The following XKR4 variants were observed in gnomAD, a reference collection of about 807,000 sequenced individuals.
XKR4 encodes XK-related protein 4.
A neutral mutation model predicts 53.9 loss-of-function variants in XKR4; 12 were observed. The ratio of observed to expected loss-of-function variants is 0.22; its 90% CI spans 0.14 to 0.36. XKR4 has a LOEUF of 0.36. Ranked by LOEUF, XKR4 falls within the 10% of genes least tolerant of loss-of-function variation. XKR4 has a pLI of 1.00. For synonymous variants in XKR4, 354 were observed against 362.4 expected, an observed-to-expected ratio of 0.98 and a Z score of 0.26; for missense variants, 799 against 859.5, an observed-to-expected ratio of 0.93 and a Z score of 0.88.
chr8:55,523,430 A>T lies in XKR4; in HGVS notation c.1156A>T (p.Arg386Trp). 6.2e-7 allele frequency: 1 copy of T among 1,614,188 alleles called. No homozygotes were observed. The highest frequency in any genetic ancestry group is 8.5e-7 in the Non-Finnish European group (1 of 1,180,030). Residue 386 changes from arginine (R) to tryptophan (W), a missense_variant, in exon 3 of 3, where the codon AGG becomes TGG. This residue lies in a region of XKR4 where 54 missense variants were observed against 89.7 expected (regional missense o/e 0.60). Transcript: ENST00000327381. ...CTGGCACTTCTTCACCATCGCCGCCAGGGTCATCACGTTTGCCCTCTTTGC... is the reference window on the plus strand; with the variant it reads ...CTGGCACTTCTTCACCATCGCCGCCTGGGTCATCACGTTTGCCCTCTTTGC... ...FCWHFFTIAA[R>W]VITFALFASV...
chr8:55,462,904 C>G (rs1034110625), intron 2 of XKR4, among the ~76,000 whole-genome samples: 1 of 152,162 alleles, frequency 6.6e-6, no homozygotes, highest in Admixed American at 6.5e-5. Flanking sequence ...GTAAAGGGAT[C>G]AATTCAAAAA....
chr8:55,195,970 G>A (rs1817499831), intron 1 of XKR4, among the ~76,000 whole-genome samples: 1 of 152,142 alleles, frequency 6.6e-6, no homozygotes, highest in Non-Finnish European at 1.5e-5. Flanking sequence ...AGTGCCATCT[G>A]CTGCTTTATG....
chr8:55,442,971 T>C (rs1461270070), intron 2 of XKR4, among the ~76,000 whole-genome samples: 2 of 152,146 alleles, frequency 1.3e-5, no homozygotes, highest in Non-Finnish European at 2.9e-5. Flanking sequence ...AAAAGGGCAA[T>C]GGAAAGCCTA....
intron 1 of XKR4, among the ~76,000 whole-genome samples, chr8:55,332,480 C>T (rs1483211349): frequency 6.6e-6 from 1 of 151,964 alleles, no homozygotes; most frequent in East Asian, 1.9e-4. Context: ...TCTTGTAGGA[C>T]ATATCTAGTT....
At chr8:55,316,730 T>G (rs914191445) in intron 1 of XKR4, among the ~76,000 whole-genome samples, 2 of 152,162 alleles carry the variant, frequency 1.3e-5, no homozygotes, top group African/African-American at 4.8e-5. Flanking sequence ...ACCTGGTTCC[T>G]TCCTCCGATC....
chr8:55,521,291 TC>T (rs1235036904), intron 2 of XKR4, among the ~76,000 whole-genome samples: 1 of 152,248 alleles, frequency 6.6e-6, no homozygotes, highest in Non-Finnish European at 1.5e-5. Context: ...AATCTTTTGT[TC>T]TTAAATCCCC....
intron 1 of XKR4, among the ~76,000 whole-genome samples, chr8:55,136,145 G>A (rs964468222): frequency 7.9e-5 from 12 of 152,086 alleles, no homozygotes; most frequent in African/African-American, 1.2e-4. Context: ...GCCCCCCTTC[G>A]CCTCCCAAAG....
chr8:55,465,060 C>A (rs1394990333), intron 2 of XKR4, among the ~76,000 whole-genome samples: 5 of 152,078 alleles, frequency 3.3e-5, no homozygotes, highest in Admixed American at 3.3e-4. Context: ...GGCCATACTG[C>A]CCAAGGTAAT....
rs1245074748 is a variant in XKR4, at chr8:55,417,802, G to A, written c.1006+59925G>A. 2.0e-5 allele frequency among the ~76,000 whole-genome samples: 3 copies of A among 152,122 alleles called. No homozygotes were observed. In the East Asian group the frequency reaches 5.8e-4, roughly 29 times the overall value. ...CTGTAGAAAAAGTACAGCACTCTGG[G>A]GACCTAGTATGATCTAGTTGGGGAG... On this transcript the variant is annotated intron_variant, in intron 2 of 2. Transcript: ENST00000327381.
Position 55,529,677 on chromosome 8 carries a change from G to A in XKR4, c.*5450G>A, listed in dbSNP as rs1385651914. ...GGGTTGAGCACAGCTTTCAACAACT[G>A]CGACTTCTGGGAGCCCAGTGACTCT... On this transcript the variant is annotated 3_prime_UTR_variant, in exon 3 of 3. Transcript: ENST00000327381. 6.6e-6 allele frequency: 1 copy of A among 152,202 alleles called. No individual in the cohort carries two copies. Among genetic ancestry groups the A allele is most frequent in the Admixed American group, 6.5e-5 (1 of 15,272 alleles). The allele number at this position is 152,202 out of a possible 1,614,324, so 9.4% of individuals were successfully genotyped here.
At chr8:55,349,011 G>A (rs1803691069) in intron 1 of XKR4, among the ~76,000 whole-genome samples, 1 of 152,102 alleles carries the variant, frequency 6.6e-6, no homozygotes, top group Non-Finnish European at 1.5e-5. Context: ...AGCCCAGGTA[G>A]CTGAAAGGAA....
At chr8:55,484,153 T>C (rs1417805223) in intron 2 of XKR4, among the ~76,000 whole-genome samples, 1 of 152,186 alleles carries the variant, frequency 6.6e-6, no homozygotes, top group Admixed American at 6.5e-5. Flanking sequence ...ATGACTTGAA[T>C]AGCCCCATAT....
chr8:55,340,311 C>T (rs930616174), intron 1 of XKR4, among the ~76,000 whole-genome samples: 2 of 152,184 alleles, frequency 1.3e-5, no homozygotes, highest in Non-Finnish European at 2.9e-5. Context: ...GTTCTTGACA[C>T]ATTGTGCATA....
chr8:55,513,496 C>A (rs1451595352), intron 2 of XKR4, among the ~76,000 whole-genome samples: 2 of 152,196 alleles, frequency 1.3e-5, no homozygotes, highest in African/African-American at 4.8e-5. Flanking sequence ...CCAGCCTGAA[C>A]CTATCATGCC....
intron 2 of XKR4, among the ~76,000 whole-genome samples, chr8:55,389,431 A>G (rs921188769): frequency 1.3e-5 from 2 of 152,220 alleles, no homozygotes; most frequent in African/African-American, 4.8e-5. Flanking sequence ...TATAAAACTA[A>G]TATTTTACAA....
chr8:55,425,277 C>T (rs1221891015), intron 2 of XKR4, among the ~76,000 whole-genome samples: 1 of 152,168 alleles, frequency 6.6e-6, no homozygotes, highest in East Asian at 1.9e-4. Flanking sequence ...CAAAGAGCCA[C>T]AAAAAATGTA....
intron 1 of XKR4, among the ~76,000 whole-genome samples, chr8:55,250,397 T>C (rs1482553007): frequency 6.6e-6 from 1 of 152,160 alleles, no homozygotes; most frequent in Non-Finnish European, 1.5e-5. Context: ...CATACAGTGC[T>C]CCTTTGATTT....
rs536313756 is a variant in XKR4, at chr8:55,496,595, G to A, written c.1007-26686G>A. On this transcript the variant is annotated intron_variant, in intron 2 of 2. Transcript: ENST00000327381. ...TTATAAAACCAATCTGCAATTACAG[G>A]CAACTTTGGACAAATTTCTTCTTTA... Among the ~76,000 whole-genome samples, 343 of 152,266 alleles carry A rather than the reference G, an allele frequency of 2.3e-3. 4 individuals carry two copies. The highest frequency in any genetic ancestry group is 7.7e-3 in the African/African-American group (320 of 41,566).
At chr8:55,472,384 T>C (rs1449540381) in intron 2 of XKR4, among the ~76,000 whole-genome samples, 1 of 152,160 alleles carries the variant, frequency 6.6e-6, no homozygotes, top group African/African-American at 2.4e-5. Flanking sequence ...TTCAGTCAGA[T>C]AGATGTGAAT....
Sources: gnomAD v4.1 joint callset for allele counts (sites outside exome capture counted in the v4.1 genomes callset) on GRCh38, gnomAD v4.1.1 for gene constraint, gnomAD v4.1.1 regional missense constraint, MANE v1.5 for transcripts, NCBI Gene and HGNC (gene_info 2026-07-23, HGNC 2026-07-21) for gene names.